HS3ST5: variants seen among roughly 807,000 people sequenced by gnomAD.
HS3ST5 encodes the protein heparan sulfate glucosamine 3-O-sulfotransferase 5.
A neutral mutation model predicts 25.4 loss-of-function variants in HS3ST5; 10 were observed. The observed-to-expected ratio is 0.39, with a 90% confidence interval of 0.24 to 0.67. HS3ST5 has a LOEUF of 0.67. HS3ST5 is among the 30% of genes least tolerant of loss of function. HS3ST5 has a pLI of 0.44. For synonymous variants in HS3ST5, 170 were observed against 162.4 expected, an observed-to-expected ratio of 1.05 and a Z score of -0.36; for missense variants, 324 against 420.7, an observed-to-expected ratio of 0.77 and a Z score of 2.01.
At chr6:114,162,470 C>A (rs1779019186) in intron 3 of HS3ST5, among the ~76,000 whole-genome samples, 1 of 152,150 alleles carries the variant, frequency 6.6e-6, no homozygotes, top group Admixed American at 6.6e-5. Context: ...GCAGTAGTTT[C>A]TTTGCTCCTG....
chr6:114,315,800 A>T (rs920847874), intron 1 of HS3ST5, among the ~76,000 whole-genome samples: 10 of 151,936 alleles, frequency 6.6e-5, no homozygotes, highest in Admixed American at 1.3e-4. Flanking sequence ...AAGAGAAAAA[A>T]TTTTTTTTCT....
intron 3 of HS3ST5, among the ~76,000 whole-genome samples, chr6:114,092,855 A>G (rs1381984083): frequency 6.6e-6 from 1 of 151,802 alleles, no homozygotes; most frequent in Non-Finnish European, 1.5e-5. Flanking sequence ...TTGTATTTTC[A>G]GTAGAGATGG....
At chr6:114,113,372 C>T (rs1170294025) in intron 3 of HS3ST5, among the ~76,000 whole-genome samples, 2 of 152,066 alleles carry the variant, frequency 1.3e-5, no homozygotes, top group East Asian at 3.9e-4. Flanking sequence ...AACTGGACAC[C>T]TGTTTACTCC....
intron 1 of HS3ST5, among the ~76,000 whole-genome samples, chr6:114,261,788 C>T (rs1562256481): frequency 6.6e-6 from 1 of 152,182 alleles, no homozygotes; most frequent in Admixed American, 6.5e-5. Context: ...CTCCTCCAGG[C>T]CCCATGTGCT....
rs550645304 is a variant in HS3ST5 at position 114,240,629 on chromosome 6, G to A, written c.-338-11851C>T. Among the ~76,000 whole-genome samples, 82 of 152,234 alleles carry A rather than the reference G, an allele frequency of 5.4e-4. 1 individual carries two copies. Among genetic ancestry groups the A allele is most frequent in the African/African-American group, 1.9e-3 (78 of 41,540 alleles). ...CACAAATATATTTTTGTAATTTAAA[G>A]TGTAAAAAAGCTCGCCATGTAATCT... On this transcript the variant is annotated intron_variant, in intron 1 of 4. Coordinates refer to ENST00000312719, the MANE Select transcript of HS3ST5 (RefSeq NM_153612.4).
chr6:114,120,803 G>A (rs1419930710), intron 3 of HS3ST5, among the ~76,000 whole-genome samples: 1 of 152,164 alleles, frequency 6.6e-6, no homozygotes, highest in Non-Finnish European at 1.5e-5. Context: ...AAATGTATAG[G>A]TGAGGGTAGA....
intron 3 of HS3ST5, among the ~76,000 whole-genome samples, chr6:114,156,072 C>T (rs1054575429): frequency 1.3e-4 from 20 of 152,210 alleles, no homozygotes; most frequent in Admixed American, 1.3e-3. Context: ...CATGTCTTCT[C>T]TTAACTCACA....
intron 3 of HS3ST5, among the ~76,000 whole-genome samples, chr6:114,126,399 GA>G (rs1777040357): frequency 6.6e-6 from 1 of 152,042 alleles, no homozygotes; most frequent in African/African-American, 2.4e-5. Context: ...CATCTTATTG[GA>G]AAAAAGTCTG....
At chr6:114,087,600 G>A (rs995204381) in intron 3 of HS3ST5, among the ~76,000 whole-genome samples, 3 of 152,114 alleles carry the variant, frequency 2.0e-5, no homozygotes, top group Non-Finnish European at 2.9e-5. Context: ...GGCCCAGTGA[G>A]ATAAACAAAA....
intron 3 of HS3ST5, among the ~76,000 whole-genome samples, chr6:114,080,776 A>T (rs1355547179): frequency 3.9e-5 from 6 of 152,170 alleles, no homozygotes; most frequent in Admixed American, 3.9e-4. Flanking sequence ...ACTGCAGACT[A>T]CTAGAGGTAG....
chr6:114,159,092 C>T (rs1221039840), intron 3 of HS3ST5, among the ~76,000 whole-genome samples: 1 of 152,160 alleles, frequency 6.6e-6, no homozygotes, highest in African/African-American at 2.4e-5. Context: ...AAATTATTTA[C>T]CCAATTCTTC....
chr6:114,156,550 T>C (rs1778706396), intron 3 of HS3ST5, among the ~76,000 whole-genome samples: 3 of 152,244 alleles, frequency 2.0e-5, no homozygotes, highest in Admixed American at 6.5e-5. Flanking sequence ...TGGAATTTCA[T>C]CAACTTTTAG....
chr6:114,275,088 C>T (rs1310895130), intron 1 of HS3ST5, among the ~76,000 whole-genome samples: 1 of 151,900 alleles, frequency 6.6e-6, no homozygotes, highest in African/African-American at 2.4e-5. Flanking sequence ...TTCTCCCCCT[C>T]TCTTGCTTTC....
intron 2 of HS3ST5, among the ~76,000 whole-genome samples, chr6:114,169,513 G>A (rs1779372152): frequency 6.6e-6 from 1 of 151,982 alleles, no homozygotes; most frequent in South Asian, 2.1e-4. Flanking sequence ...AGAGAGAGTA[G>A]AAAAAAACAC....
intron 1 of HS3ST5, among the ~76,000 whole-genome samples, chr6:114,237,947 C>T (rs568701709): frequency 6.6e-6 from 1 of 152,274 alleles, no homozygotes; most frequent in South Asian, 2.1e-4. Flanking sequence ...TTTGTATCTT[C>T]TCATCAATAT....
intron 1 of HS3ST5, among the ~76,000 whole-genome samples, chr6:114,265,236 G>A (rs1773354208): frequency 6.6e-6 from 1 of 152,084 alleles, no homozygotes; most frequent in South Asian, 2.1e-4. Flanking sequence ...GGTGTCACAA[G>A]AGAAGAGAAT....
At chr6:114,294,069 A>G (rs1774703180) in intron 1 of HS3ST5, among the ~76,000 whole-genome samples, 1 of 152,216 alleles carries the variant, frequency 6.6e-6, no homozygotes, top group Non-Finnish European at 1.5e-5. Flanking sequence ...GGCAACCAGG[A>G]GGGCACCTAA....
chr6:114,065,953 G>GT (rs1773423424), intron 3 of HS3ST5, among the ~76,000 whole-genome samples: 1 of 152,148 alleles, frequency 6.6e-6, no homozygotes, highest in South Asian at 2.1e-4. Flanking sequence ...CCACCTGTCT[G>GT]TTTTTAGCTC....
chr6:114,279,562 G>A (rs2349214), intron 1 of HS3ST5, among the ~76,000 whole-genome samples: 8,885 of 152,082 alleles, frequency 0.058, 326 homozygotes, highest in Middle Eastern at 0.12. Flanking sequence ...AAATGGGGGT[G>A]TTCTCTATTC....
Sources: gnomAD v4.1 joint callset for allele counts (sites outside exome capture counted in the v4.1 genomes callset) on GRCh38, gnomAD v4.1.1 for gene constraint, MANE v1.5 for transcripts, NCBI Gene and HGNC (gene_info 2026-07-23, HGNC 2026-07-21) for gene names.